The following PREPL variants were observed in gnomAD, a reference collection of about 807,000 sequenced individuals.
PREPL encodes prolyl endopeptidase like.
A neutral mutation model predicts 70.6 loss-of-function variants in PREPL; 77 were observed. That is an observed-to-expected ratio of 1.09 (90% CI 0.91 to 1.32). PREPL has a LOEUF of 1.32. Ranked by LOEUF, PREPL falls within the 40% of genes most tolerant of loss-of-function variation. The probability of loss-of-function intolerance (pLI) is 0.00; values close to 1 mark genes in which losing one functional copy is unlikely to be tolerated. For synonymous variants in PREPL, 315 were observed against 264.8 expected (o/e 1.19, Z -1.84); for missense variants, 1,002 against 778.2 (o/e 1.29, Z -3.42).
intron 10 of PREPL, among the ~76,000 whole-genome samples, chr2:44,325,965 C>A (rs565424764): frequency 1.1e-4 from 17 of 152,236 alleles, no homozygotes; most frequent in African/African-American, 4.1e-4. Context: ...AAAAACTATG[C>A]CCAAACGACC....
At chr2:44,334,520 G>C (rs1459059019) in intron 7 of PREPL, among the ~76,000 whole-genome samples, 1 of 152,042 alleles carries the variant, frequency 6.6e-6, no homozygotes, top group Non-Finnish European at 1.5e-5. Flanking sequence ...TATGTGAAGG[G>C]TTTTACATTT....
chr2:44,331,946 CTTTTT>C (rs35003986), intron 8 of PREPL, among the ~76,000 whole-genome samples: 3 of 121,682 alleles, frequency 2.5e-5, no homozygotes, highest in Non-Finnish European at 1.7e-5. Context: ...TATAAATTTT[CTTTTT>C]TTTTTTTTTT....
intron 1 of PREPL, chr2:44,360,345 G>C (rs1017211983): frequency 1.3e-5 from 2 of 152,144 alleles, no homozygotes; most frequent in African/African-American, 4.8e-5. Flanking sequence ...CATTTTACAG[G>C]TTGCCAAACT....
chr2:44,321,429 T>C lies in PREPL; in HGVS notation c.1844A>G (p.Lys615Arg), dbSNP rs138348037. ...AAGTCCAAGTTCCTCGTACAGGAAT[T>C]TAATTTGGGCTGTAATCTAAAAGAA... ...DSHKKITAQI[K>R]FLYEELGLDS... is the part of the protein sequence containing the mutation. Residue 615 changes from lysine to arginine, a missense_variant, in exon 14 of 14, where the codon AAA (lysine) becomes AGA (arginine). Lys to Arg is a conservative substitution (Grantham distance 26). Coordinates refer to ENST00000409411, the MANE Select transcript of PREPL (RefSeq NM_001171613.2). 7.3e-5 allele frequency: 118 copies of C among 1,612,816 alleles called. No individual in the cohort carries two copies. The African/African-American group carries it at 1.4e-3, about 19-fold the overall frequency.
At chr2:44,328,202 C>T (rs1168156304) in intron 9 of PREPL, among the ~76,000 whole-genome samples, 2 of 149,276 alleles carry the variant, frequency 1.3e-5, no homozygotes, top group Admixed American at 1.4e-4. Flanking sequence ...AGGAGAATCG[C>T]TTGAACCCTG....
Position 44,339,310 on chromosome 2 carries a change from A to G in PREPL, c.539T>C (p.Ile180Thr), listed in dbSNP as rs894274103. 1 of 1,614,060 alleles carries G rather than the reference A, an allele frequency of 6.2e-7. No individual in the cohort carries two copies. Among genetic ancestry groups the G allele is most frequent in the Non-Finnish European group, 8.5e-7 (1 of 1,179,994 alleles). The change falls in exon 6 of 14, where the codon ATT (isoleucine) becomes ACT (threonine). Residue 180 changes from isoleucine (I) to threonine (T), a missense_variant. Coordinates refer to ENST00000409411, the MANE Select transcript of PREPL (RefSeq NM_001171613.2). ...CACTTCAGAAGTAGTCTTGTTCATA[A>G]TATTTATGGTGAGGAAACGACTGTC... is the stretch of plus-strand genomic sequence containing the variant. ...TKDSRFLTIN[I>T]MNKTTSEVWL...
chr2:44,340,927 C>CAAAAAAA (rs966745305), intron 5 of PREPL, among the ~76,000 whole-genome samples: 7,397 of 97,282 alleles, frequency 0.076, 216 homozygotes, highest in South Asian at 0.15. Context: ...GACTCTGTTT[C>CAAAAAAA]AAAAAAAAAA....
rs1230281203 is a variant in PREPL at position 44,353,723 on chromosome 2, A to C, written c.-48-7333T>G. ...AGAATAAACCATTGAATTTATGGTC[A>C]GTTGATTTTCAGAAAGGACACCAAG... On this transcript the variant is annotated intron_variant, in intron 1 of 13. Transcript: ENST00000409411. 2.0e-5 allele frequency among the ~76,000 whole-genome samples: 3 copies of C among 152,266 alleles called. No homozygotes were observed. The East Asian group carries it at 5.8e-4, about 29-fold the overall frequency.
At chr2:44,349,124 T>A (rs1395742294) in intron 1 of PREPL, among the ~76,000 whole-genome samples, 1 of 152,164 alleles carries the variant, frequency 6.6e-6, no homozygotes, top group Non-Finnish European at 1.5e-5. Flanking sequence ...CAATGAAAGC[T>A]GTTATAAAAT....
chr2:44,350,070 G>A lies in PREPL; in HGVS notation c.-48-3680C>T, dbSNP rs184089201. Among the ~76,000 whole-genome samples, 139 of 152,060 alleles carry A rather than the reference G, an allele frequency of 9.1e-4. 1 individual carries two copies. The highest frequency in any genetic ancestry group is 3.0e-3 in the African/African-American group (126 of 41,470). On this transcript the variant is annotated intron_variant, in intron 1 of 13. Coordinates refer to ENST00000409411, the MANE Select transcript of PREPL (RefSeq NM_001171613.2). ...TCAACTATTTAAAAAAATAGTAAAA[G>A]AGGTAAAACTACTCATTTTATTAGG...
intron 6 of PREPL, among the ~76,000 whole-genome samples, chr2:44,338,826 T>C (rs1002743567): frequency 1.3e-5 from 2 of 152,230 alleles, no homozygotes; most frequent in African/African-American, 2.4e-5. Context: ...TTAGCTGATA[T>C]CAGCAGAAGA....
At position 44,320,504 on chromosome 2, in the gene PREPL, C is replaced by A; in HGVS notation, c.*852G>T. 1 of 1,614,094 alleles carries A rather than the reference C, an allele frequency of 6.2e-7. No homozygotes were observed. The highest frequency in any genetic ancestry group is 8.5e-7 in the Non-Finnish European group (1 of 1,179,970). ...TTGATACAAGTGGCATTTTTCTGGA[C>A]AAGGGAGAGGGACTCATCTTTGAAC... On this transcript the variant is annotated 3_prime_UTR_variant, in exon 14 of 14. Transcript: ENST00000409411.
At chr2:44,326,534 C>T (rs559396505) in intron 10 of PREPL, among the ~76,000 whole-genome samples, 178 bp downstream of exon 10, 11 of 151,150 alleles carry the variant, frequency 7.3e-5, no homozygotes, top group Non-Finnish European at 1.3e-4. Flanking sequence ...GACAGGGTCT[C>T]GCCATGTTGC....
chr2:44,329,148 G>A (rs1371775039), intron 8 of PREPL, 36 bp from the exon 9 acceptor site: 1 of 1,512,936 alleles, frequency 6.6e-7, no homozygotes, highest in Non-Finnish European at 9.1e-7. Context: ...GTAAAGAAGA[G>A]TCTTTTATAA....
intron 1 of PREPL, among the ~76,000 whole-genome samples, chr2:44,361,130 C>G (rs748831685): frequency 2.6e-5 from 4 of 152,182 alleles, no homozygotes; most frequent in Non-Finnish European, 5.9e-5. Flanking sequence ...CCCAAGAAGA[C>G]AGTATGCAAG....
chr2:44,332,422 G>A (rs766380223), intron 8 of PREPL, 37 bp downstream of exon 8: 10 of 1,547,480 alleles, frequency 6.5e-6, no homozygotes, highest in Non-Finnish European at 8.9e-6. Context: ...TATGCTTTCA[G>A]TAAATGGGAG....
At position 44,328,963 on chromosome 2, in the gene PREPL, T is replaced by A. The variant is rs746941479; in HGVS notation, c.1236A>T (p.Gly412=). The A allele has an allele frequency of 6.2e-7, 1 of 1,613,870 alleles. No individual in the cohort carries two copies. The highest frequency in any genetic ancestry group is 1.1e-5 in the South Asian group (1 of 91,016). The change falls in exon 9 of 14, where the codon GGA becomes GGT. Residue 412 remains glycine, a synonymous_variant. Coordinates refer to ENST00000409411, the MANE Select transcript of PREPL (RefSeq NM_001171613.2). ...GAACATGGCAGTATGCTAATATCCA[T>A]CCATCATCCACCAGGACCCGCCTCT... ...RPERRVLVDD[G]WILAYCHVRG...
intron 7 of PREPL, 90 bp from the exon 8 acceptor site, chr2:44,332,746 G>A: frequency 1.9e-6 from 2 of 1,039,354 alleles, no homozygotes; most frequent in South Asian, 1.7e-5. Context: ...ACAAGATGAT[G>A]TGGATATCTC....
Position 44,329,061 on chromosome 2 carries a change from A to G in PREPL, c.1138T>C (p.Leu380=). 1 of 1,611,502 alleles carries G rather than the reference A, an allele frequency of 6.2e-7. No homozygotes were observed. Among genetic ancestry groups the G allele is most frequent in the Non-Finnish European group, 8.5e-7 (1 of 1,177,806 alleles). Residue 380 remains leucine, a synonymous_variant, in exon 9 of 14, where the codon TTG becomes CTG. Transcript: ENST00000409411. The part of the protein sequence containing the change: ...TVFHKTDSED[L]QKKPLLVHVY... ...TGTACCAAGAGAGGTTTCTTCTGCA[A>G]GTCCTCAGAGTCAGTTTTGTGGAAA...
Sources: allele counts gnomAD v4.1 joint callset (sites outside exome capture counted in the v4.1 genomes callset), GRCh38; gene constraint gnomAD v4.1.1; transcripts MANE v1.5; gene names NCBI Gene and HGNC (gene_info 2026-07-23, HGNC 2026-07-21).